ESD: variants seen among roughly 807,000 people sequenced by gnomAD.
ESD encodes S-formylglutathione hydrolase.
A neutral mutation model predicts 38.1 loss-of-function variants in ESD; 34 were observed. The ratio of observed to expected loss-of-function variants is 0.89; its 90% CI spans 0.68 to 1.19. The LOEUF is 1.19. Among genes scored for constraint, ESD ranks in the 50% most tolerant of loss-of-function variants. The pLI is 0.00. For synonymous variants in ESD, 97 were observed against 107.0 expected, an observed-to-expected ratio of 0.91 and a Z score of 0.58; for missense variants, 334 against 327.2, an observed-to-expected ratio of 1.02 and a Z score of -0.16.
chr13:46,771,549 A>T, intron 9 of ESD, 53 bp from the exon 10 acceptor site: 1 of 1,109,996 alleles, frequency 9.0e-7, no homozygotes. Context: ...GAACATCAGT[A>T]TTAGGAACAT....
rs1004423975 is a variant in ESD, at chr13:46,795,134, G to C, written c.-55-1690C>G. 5.3e-5 allele frequency among the ~76,000 whole-genome samples: 8 copies of C among 151,924 alleles called. No individual in the cohort carries two copies. The South Asian group carries it at 8.3e-4, about 16-fold the overall frequency. On this transcript the variant is annotated intron_variant, in intron 1 of 9. Coordinates refer to ENST00000378720, the MANE Select transcript of ESD (RefSeq NM_001984.2). ...TGCCTGTCTTGCCTAATCTACATTT[G>C]AGATGCCTCAAAGTTACCTTCTTTT...
chr13:46,795,502 G>T (rs1379633358), intron 1 of ESD, among the ~76,000 whole-genome samples: 1 of 152,222 alleles, frequency 6.6e-6, no homozygotes, highest in Non-Finnish European at 1.5e-5. Flanking sequence ...ATGAGCAGAT[G>T]AGAACTGCCT....
chr13:46,783,207 T>A (rs1312095901), intron 5 of ESD, among the ~76,000 whole-genome samples: 1 of 151,924 alleles, frequency 6.6e-6, no homozygotes, highest in East Asian at 1.9e-4. Context: ...CAGCACTTTT[T>A]AAATTCTCTT....
chr13:46,787,069 G>A lies in ESD; in HGVS notation c.109C>T (p.Pro37Ser). ...NCKMKFAVYLPPKAETGKCPA... is the reference protein window; with the variant it reads ...NCKMKFAVYLSPKAETGKCPA... ...CACTTTCCTGTTTCTGCCTTTGGTG[G>A]TAAGTAGACAGCAAATTTCATTTTG... The change falls in exon 4 of 10, where the codon CCA becomes TCA. Residue 37 changes from proline to serine, a missense_variant. By Grantham distance (74) the Pro-to-Ser change is moderately conservative. Transcript: ENST00000378720. 1 of 1,578,424 alleles carries A rather than the reference G, an allele frequency of 6.3e-7. No homozygotes were observed. Among genetic ancestry groups the A allele is most frequent in the Non-Finnish European group, 8.6e-7 (1 of 1,156,312 alleles).
chr13:46,794,952 A>G (rs1050789378), intron 1 of ESD, among the ~76,000 whole-genome samples: 14 of 152,116 alleles, frequency 9.2e-5, no homozygotes, highest in Non-Finnish European at 1.0e-4. Flanking sequence ...TCTATAACCA[A>G]TCTTTCTCAA....
intron 7 of ESD, 57 bp downstream of exon 7, chr13:46,781,439 C>T: frequency 6.9e-7 from 1 of 1,447,748 alleles, no homozygotes; most frequent in Non-Finnish European, 9.4e-7. Flanking sequence ...TTTGAAGGTT[C>T]CTAATATTAT....
intron 9 of ESD, among the ~76,000 whole-genome samples, chr13:46,773,632 T>C (rs1377280381): frequency 6.6e-6 from 1 of 152,192 alleles, no homozygotes; most frequent in East Asian, 1.9e-4. Context: ...AATCTCTCCC[T>C]TCCAGAGAGG....
chr13:46,775,594 G>A (rs1330698404), intron 9 of ESD: 6 of 467,362 alleles, frequency 1.3e-5, no homozygotes, highest in South Asian at 6.3e-5. Flanking sequence ...ACTCTCTGGA[G>A]CCACTACTTA....
intron 3 of ESD, among the ~76,000 whole-genome samples, chr13:46,789,292 T>C (rs572630709): frequency 4.8e-4 from 73 of 152,288 alleles, no homozygotes; most frequent in Non-Finnish European, 9.0e-4. Context: ...TTGAGACCTT[T>C]CATATATGAA....
intron 5 of ESD, among the ~76,000 whole-genome samples, chr13:46,783,019 A>G (rs1875063900): frequency 6.6e-6 from 1 of 151,904 alleles, no homozygotes; most frequent in South Asian, 2.1e-4. Flanking sequence ...TGACCTTCCA[A>G]GCTGGAGTAT....
intron 3 of ESD, among the ~76,000 whole-genome samples, chr13:46,790,875 G>C (rs1875372577): frequency 6.6e-6 from 1 of 151,942 alleles, no homozygotes; most frequent in African/African-American, 2.4e-5. Context: ...GTTATTCTTA[G>C]CTCCTGTCTC....
intron 1 of ESD, among the ~76,000 whole-genome samples, chr13:46,794,932 AATCTGC>A (rs1038699422): frequency 6.6e-6 from 1 of 152,130 alleles, no homozygotes; most frequent in Non-Finnish European, 1.5e-5. Flanking sequence ...AAATAATCTA[AATCTGC>A]ATCTCTATAA....
chr13:46,779,750 AAAT>A (rs1042536621), intron 8 of ESD, among the ~76,000 whole-genome samples, 182 bp downstream of exon 8: 1 of 146,204 alleles, frequency 6.8e-6, no homozygotes, highest in African/African-American at 2.5e-5. Context: ...AATATATATA[AAAT>A]AATATATATA....
chr13:46,777,437 A>G lies in ESD; in HGVS notation c.768+19T>C, dbSNP rs772516793. ...ATAGTTACATTATCTAGATCAAGCT[A>G]AAGTTTCCTAATACTTGCCTCTTGC... On this transcript the variant is annotated intron_variant, in intron 9 of 9. Transcript: ENST00000378720. 10 of 1,583,210 alleles carry G rather than the reference A, an allele frequency of 6.3e-6. No individual in the cohort carries two copies. Among genetic ancestry groups the G allele is most frequent in the Non-Finnish European group, 8.6e-6 (10 of 1,161,020 alleles).
At chr13:46,781,264 A>G (rs1263575908) in intron 7 of ESD, among the ~76,000 whole-genome samples, 1 of 151,752 alleles carries the variant, frequency 6.6e-6, no homozygotes. Flanking sequence ...ACATTTTATA[A>G]TACTTCCAGT....
intron 2 of ESD, among the ~76,000 whole-genome samples, chr13:46,793,110 A>AT (rs1205308934): frequency 2.0e-5 from 3 of 152,140 alleles, no homozygotes; most frequent in Admixed American, 6.5e-5. Context: ...TTGGTAGAAT[A>AT]TTTTTTAAAA....
upstream of ESD, among the ~76,000 whole-genome samples, chr13:46,797,627 C>A (rs770488405): frequency 1.3e-5 from 2 of 152,214 alleles, no homozygotes; most frequent in Non-Finnish European, 2.9e-5. Flanking sequence ...AAACAAGAAA[C>A]CTTTGAAATC....
At chr13:46,774,098 A>G (rs1191953966) in intron 9 of ESD, among the ~76,000 whole-genome samples, 1 of 152,166 alleles carries the variant, frequency 6.6e-6, no homozygotes, top group Non-Finnish European at 1.5e-5. Context: ...TGAGTATGCC[A>G]TATTTTTATC....
At chr13:46,792,041 T>G (rs1235417460) in intron 2 of ESD, among the ~76,000 whole-genome samples, 1 of 152,062 alleles carries the variant, frequency 6.6e-6, no homozygotes, top group East Asian at 1.9e-4. Flanking sequence ...GCCTGTTAAC[T>G]TCTTTTCTGT....
Sources: allele counts gnomAD v4.1 joint callset (sites outside exome capture counted in the v4.1 genomes callset), GRCh38; gene constraint gnomAD v4.1.1; transcripts MANE v1.5; gene names NCBI Gene and HGNC (gene_info 2026-07-23, HGNC 2026-07-21).